BTNL2: variants seen among roughly 807,000 people sequenced by gnomAD.
BTNL2 encodes butyrophilin-like protein 2.
Under a neutral mutation model 46.8 loss-of-function variants are expected in BTNL2, and 46 were observed. The ratio of observed to expected loss-of-function variants is 0.98; its 90% confidence interval spans 0.78 to 1.26. The LOEUF (loss-of-function observed/expected upper bound fraction) is 1.26. BTNL2 is among the 50% of genes most tolerant of loss of function. BTNL2 has a pLI of 0.00. For synonymous variants in BTNL2, 226 were observed against 229.1 expected, an observed-to-expected ratio of 0.99 and a Z score of 0.12; for missense variants, 461 against 592.6, an observed-to-expected ratio of 0.78 and a Z score of 2.31.
intron 2 of BTNL2, chr6:32,403,875 C>T (rs78982396): frequency 2.0e-5 from 3 of 152,278 alleles, no homozygotes; most frequent in East Asian, 3.8e-4. Context: ...GAAACTCCCA[C>T]ACCCAAACTA....
chr6:32,405,268 C>T lies in BTNL2; in HGVS notation c.98G>A (p.Gly33Asp). Residue 33 changes from glycine to aspartate, a missense_variant, in exon 2 of 8, where the codon GGC becomes GAC. Transcript: ENST00000454136. ...CCCGGCCAGGATAGGATGAGCAGGG[C>T]CAATGACTCTAAAGTCTTCTATAAA... ...MKQSEDFRVIGPAHPILAGVG... is the reference protein window; with the variant it reads ...MKQSEDFRVIDPAHPILAGVG... The T allele has an allele frequency of 6.2e-7, 1 of 1,612,888 alleles. No homozygotes were observed. Among genetic ancestry groups the T allele is most frequent in the Non-Finnish European group, 8.5e-7 (1 of 1,180,000 alleles).
At chr6:32,400,752 A>AAAAAAAACAAAAC in intron 4 of BTNL2, among the ~76,000 whole-genome samples, 1 of 139,480 alleles carries the variant, frequency 7.2e-6, no homozygotes, top group Non-Finnish European at 1.6e-5. Flanking sequence ...TACTAAAAAA[A>AAAAAAAACAAAAC]AAAAAAAAAA....
At position 32,399,145 on chromosome 6, in the gene BTNL2, A is replaced by G. The variant is rs781079386; in HGVS notation, c.730+2640T>C. The stretch of plus-strand genomic sequence containing the variant: ...GCCATGCATCCATGTGTTCTCACCA[A>G]TCAGCTCCCCCTTATAAGTGTGAAC... On this transcript the variant is annotated intron_variant, in intron 4 of 7. Transcript: ENST00000454136. This position sits in a 1 kb window ranked among gnomAD's most constrained non-coding sequence, Gnocchi z 5.2. Among the ~76,000 whole-genome samples the G allele has an allele frequency of 4.6e-5, 7 of 152,194 alleles. No homozygotes were observed. Among genetic ancestry groups the G allele is most frequent in the African/African-American group, 7.2e-5 (3 of 41,452 alleles).
At chr6:32,406,274 G>A (rs1777140277) in intron 1 of BTNL2, 1 of 152,260 alleles carries the variant, frequency 6.6e-6, no homozygotes, top group South Asian at 2.1e-4. Flanking sequence ...CATTCCATCA[G>A]ATTGACTGTT....
At position 32,401,780 on chromosome 6, in the gene BTNL2, C is replaced by G. The variant is rs1217693939; in HGVS notation, c.730+5G>C. ...CACAGGTGTGTGCCAGCACCTCGTA[C>G]TTACCCAGCTCAGTCTGGAGTTTCT... On this transcript the variant is annotated splice_donor_5th_base_variant and intron_variant, in intron 4 of 7. Transcript: ENST00000454136. 2 of 1,611,914 alleles carry G rather than the reference C, an allele frequency of 1.2e-6. No homozygotes were observed. Among genetic ancestry groups the G allele is most frequent in the Non-Finnish European group, 1.7e-6 (2 of 1,179,042 alleles).
intron 1 of BTNL2, 77 bp from the exon 2 acceptor site, chr6:32,405,363 G>T (rs759105457): frequency 9.4e-6 from 13 of 1,380,078 alleles, no homozygotes; most frequent in Non-Finnish European, 1.3e-5. Flanking sequence ...TGTCCAGCCT[G>T]TCAAAATGGA....
At chr6:32,400,010 G>T (rs1776654400) in intron 4 of BTNL2, among the ~76,000 whole-genome samples, 1 of 152,164 alleles carries the variant, frequency 6.6e-6, no homozygotes, top group Non-Finnish European at 1.5e-5. Context: ...AGGACATGGG[G>T]TCGTATTGTG....
At chr6:32,405,416 A>C in intron 1 of BTNL2, 130 bp from the exon 2 acceptor site, 1 of 890,760 alleles carries the variant, frequency 1.1e-6, no homozygotes, top group Non-Finnish European at 1.8e-6. Context: ...TGTTTTAGAG[A>C]AATCCAGCAT....
intron 2 of BTNL2, among the ~76,000 whole-genome samples, chr6:32,404,515 A>G (rs775843392): frequency 1.4e-4 from 22 of 152,212 alleles, no homozygotes; most frequent in Non-Finnish European, 3.1e-4. Flanking sequence ...GGCATTTCAC[A>G]AGGAAAGAAC....
At chr6:32,400,426 C>T (rs781319832) in intron 4 of BTNL2, among the ~76,000 whole-genome samples, 2 of 152,078 alleles carry the variant, frequency 1.3e-5, no homozygotes, top group East Asian at 1.9e-4. Context: ...AAGGGATCCA[C>T]GTTCTATGCA....
At chr6:32,404,560 G>A (rs62404573) in intron 2 of BTNL2, among the ~76,000 whole-genome samples, 15,850 of 152,166 alleles carry the variant, frequency 0.1, 949 homozygotes, top group East Asian at 0.2. Context: ...AGATGGGATT[G>A]GGTAGAGAAA....
chr6:32,403,311 C>A, intron 2 of BTNL2, 95 bp from the exon 3 acceptor site: 1 of 1,408,256 alleles, frequency 7.1e-7, no homozygotes. Flanking sequence ...AGGGAGGTGG[C>A]CGGAGTTCAG....
At chr6:32,401,984 T>C (rs1185048958) in intron 3 of BTNL2, among the ~76,000 whole-genome samples, 179 bp from the exon 4 acceptor site, 1 of 152,220 alleles carries the variant, frequency 6.6e-6, no homozygotes, top group Non-Finnish European at 1.5e-5. Flanking sequence ...CAGCTTTTTT[T>C]CCTTTTCTCT....
intron 2 of BTNL2, 53 bp from the exon 3 acceptor site, chr6:32,403,269 A>C: frequency 2.0e-6 from 3 of 1,531,268 alleles, no homozygotes; most frequent in Non-Finnish European, 2.6e-6. Flanking sequence ...GGCAGAAATC[A>C]CAGAGGCTGA....
At chr6:32,404,677 C>A (rs1777006440) in intron 2 of BTNL2, among the ~76,000 whole-genome samples, 1 of 152,214 alleles carries the variant, frequency 6.6e-6, no homozygotes, top group South Asian at 2.1e-4. Flanking sequence ...TGTGTCTCAG[C>A]AAAATTGCTA....
intron 4 of BTNL2, among the ~76,000 whole-genome samples, chr6:32,397,855 G>A (rs117945116): frequency 0.012 from 1,861 of 152,238 alleles, 69 homozygotes; most frequent in East Asian, 0.11. Flanking sequence ...TCCTCTAGGT[G>A]GACTTTATAG....
chr6:32,394,018 C>G lies in BTNL2; in HGVS notation c.1400G>C (p.Trp467Ser), dbSNP rs1776280603. The G allele has an allele frequency of 6.5e-7, 1 of 1,550,122 alleles. No homozygotes were observed. The highest frequency in any genetic ancestry group is 8.7e-7 in the Non-Finnish European group (1 of 1,146,760). ...MTFLWKTLLV[W>S]GLLLAVAVGL... ...TACAGCCACAGCAAGAAGCAATCCCCAAACAAGCAGTGTTTTCCACAAAAA... is the reference window on the plus strand; with the variant it reads ...TACAGCCACAGCAAGAAGCAATCCCGAAACAAGCAGTGTTTTCCACAAAAA... Residue 467 changes from tryptophan (W) to serine (S), a missense_variant, in exon 7 of 8, where the codon TGG becomes TCG. By Grantham distance (177) the Trp-to-Ser change is radical. Coordinates refer to ENST00000454136, the MANE Select transcript of BTNL2 (RefSeq NM_001304561.2). This position sits in a 1 kb window ranked among gnomAD's most constrained non-coding sequence, Gnocchi z 4.6.
At chr6:32,397,268 A>G (rs932778737) in intron 4 of BTNL2, among the ~76,000 whole-genome samples, 6 of 152,248 alleles carry the variant, frequency 3.9e-5, no homozygotes, top group African/African-American at 1.2e-4. Flanking sequence ...TTTGTAATAA[A>G]TAGCTGAGTA....
intron 4 of BTNL2, among the ~76,000 whole-genome samples, chr6:32,401,240 A>AAAAAAAAAAAAAAAC (rs1776768038): frequency 7.2e-6 from 1 of 138,278 alleles, no homozygotes; most frequent in Non-Finnish European, 1.6e-5. Context: ...AAAAAAAAAA[A>AAAAAAAAAAAAAAAC]AAAATTGCTA....
Sources: allele counts gnomAD v4.1 joint callset (sites outside exome capture counted in the v4.1 genomes callset), GRCh38; gene constraint gnomAD v4.1.1; non-coding constraint Gnocchi (gnomAD v3.1); transcripts MANE v1.5; gene names NCBI Gene and HGNC (gene_info 2026-07-23, HGNC 2026-07-21).